Variants in PTPRN2 observed in about 807,000 individuals in gnomAD.
PTPRN2 encodes the protein receptor-type tyrosine-protein phosphatase N2.
PTPRN2 carries 74 observed loss-of-function variants against 118.8 expected under a neutral mutation model. The observed-to-expected ratio is 0.62, with a 90% CI of 0.52 to 0.76. The LOEUF (loss-of-function observed/expected upper bound fraction) is 0.76. Among genes scored for constraint, PTPRN2 ranks in the 30% least tolerant of loss-of-function variants. The pLI is 0.00. For missense variants in PTPRN2, 1,481 were observed against 1,394.4 expected, an observed-to-expected ratio of 1.06 and a Z score of -0.99; for synonymous variants, 641 against 608.0, an observed-to-expected ratio of 1.05 and a Z score of -0.80.
chr7:158,071,143 GGTGGTGGAGGTGCTC>G (rs1811428572), intron 11 of PTPRN2, among the ~76,000 whole-genome samples: 1 of 80,472 alleles, frequency 1.2e-5, no homozygotes, highest in Non-Finnish European at 2.5e-5. Context: ...AGGTGCTCGT[GGTGGTGGAGGTGCTC>G]GTGGTGGAGG....
At chr7:157,710,820 T>G (rs1308316669) in intron 12 of PTPRN2, among the ~76,000 whole-genome samples, 3 of 142,904 alleles carry the variant, frequency 2.1e-5, no homozygotes, top group African/African-American at 5.3e-5. Context: ...GCGCCGGAGG[T>G]TCCGGGGCAG....
At chr7:158,042,099 C>T (rs1330534187) in intron 11 of PTPRN2, among the ~76,000 whole-genome samples, 1 of 152,300 alleles carries the variant, frequency 6.6e-6, no homozygotes, top group Non-Finnish European at 1.5e-5. Flanking sequence ...ACTTTCTGCC[C>T]ACGAAAGAGC....
intron 12 of PTPRN2, among the ~76,000 whole-genome samples, chr7:157,781,502 A>G (rs925261260): frequency 2.0e-5 from 3 of 152,188 alleles, no homozygotes; most frequent in African/African-American, 7.2e-5. Flanking sequence ...TCAGACTTCA[A>G]GGTGAGATGA....
At chr7:157,820,775 A>C (rs889784891) in intron 12 of PTPRN2, among the ~76,000 whole-genome samples, 2 of 152,246 alleles carry the variant, frequency 1.3e-5, no homozygotes, top group African/African-American at 4.8e-5. Context: ...TTCAAAACCC[A>C]TGAGAATGAT....
chr7:158,271,205 C>T (rs1454937326), intron 3 of PTPRN2, among the ~76,000 whole-genome samples: 1 of 152,090 alleles, frequency 6.6e-6, no homozygotes, highest in Non-Finnish European at 1.5e-5. Context: ...AGGTCACGTG[C>T]TGCTTCTCTT....
chr7:158,272,038 T>C (rs570426308), intron 3 of PTPRN2, among the ~76,000 whole-genome samples: 1 of 152,316 alleles, frequency 6.6e-6, no homozygotes, highest in African/African-American at 2.4e-5. Flanking sequence ...AGCTGCACCA[T>C]CAAAAGACGG....
intron 11 of PTPRN2, among the ~76,000 whole-genome samples, chr7:157,961,039 C>G (rs987964356): frequency 6.6e-6 from 1 of 151,690 alleles, no homozygotes; most frequent in African/African-American, 2.4e-5. Flanking sequence ...CAAAACAAAA[C>G]AAAAAACAAG....
At chr7:158,327,071 GCA>G (rs1300492468) in intron 2 of PTPRN2, among the ~76,000 whole-genome samples, 9 of 145,394 alleles carry the variant, frequency 6.2e-5, no homozygotes, top group Admixed American at 3.4e-4. Flanking sequence ...GCACATACAT[GCA>G]CACATTCTCA....
intron 2 of PTPRN2, among the ~76,000 whole-genome samples, chr7:158,340,345 T>G (rs1225550475): frequency 5.1e-5 from 5 of 98,562 alleles, no homozygotes; most frequent in Admixed American, 1.1e-4. Context: ...ACTGTCACCA[T>G]AAGAGCTGAG....
At chr7:157,665,335 T>C (rs945325598) in intron 13 of PTPRN2, among the ~76,000 whole-genome samples, 4 of 152,254 alleles carry the variant, frequency 2.6e-5, no homozygotes, top group Non-Finnish European at 5.9e-5. Flanking sequence ...AGTAAGACCT[T>C]GTGGCATTTG....
chr7:157,704,076 G>A (rs1798210060), intron 12 of PTPRN2, among the ~76,000 whole-genome samples: 1 of 152,160 alleles, frequency 6.6e-6, no homozygotes, highest in African/African-American at 2.4e-5. Flanking sequence ...CTGATGCTGT[G>A]AGTTAGAAGA....
At chr7:158,023,282 A>G (rs1807034426) in intron 11 of PTPRN2, among the ~76,000 whole-genome samples, 1 of 152,034 alleles carries the variant, frequency 6.6e-6, no homozygotes, top group South Asian at 2.1e-4. Flanking sequence ...GTCCTGGGAA[A>G]CACTGACAGA....
chr7:158,090,817 C>T (rs1242095931), intron 10 of PTPRN2, among the ~76,000 whole-genome samples: 2 of 152,182 alleles, frequency 1.3e-5, no homozygotes, highest in Admixed American at 1.3e-4. Flanking sequence ...TTTAAAAATA[C>T]ATATAATTAT....
At chr7:158,550,846 G>A (rs751305874) in intron 1 of PTPRN2, among the ~76,000 whole-genome samples, 2 of 152,200 alleles carry the variant, frequency 1.3e-5, no homozygotes, top group African/African-American at 4.8e-5. Flanking sequence ...CTGGGGAGAT[G>A]TCGTGAAGCT....
rs769266427 is a variant in PTPRN2, at chr7:158,526,491, C to G, written c.113-36706G>C. 2.0e-5 allele frequency among the ~76,000 whole-genome samples: 3 copies of G among 151,878 alleles called. No individual in the cohort carries two copies. Among genetic ancestry groups the G allele is most frequent in the Non-Finnish European group, 2.9e-5 (2 of 68,046 alleles). On this transcript the variant is annotated intron_variant, in intron 1 of 22. Coordinates refer to ENST00000389418, the MANE Select transcript of PTPRN2 (RefSeq NM_002847.5). The surrounding 1 kb of genome is among the most constrained non-coding windows in gnomAD (Gnocchi z 5.2). The stretch of plus-strand genomic sequence containing the variant: ...GGCCTCGGAATTCCGACATGCTGGA[C>G]TGTGGCTTGGGAAACTGACTCGGTT...
At chr7:158,211,382 C>A (rs1443714420) in intron 3 of PTPRN2, among the ~76,000 whole-genome samples, 1 of 152,140 alleles carries the variant, frequency 6.6e-6, no homozygotes, top group Admixed American at 6.5e-5. Flanking sequence ...AGTGAAAAAA[C>A]CTCTGCACAG....
chr7:157,841,060 G>A (rs1364103683), intron 12 of PTPRN2, among the ~76,000 whole-genome samples: 1 of 152,256 alleles, frequency 6.6e-6, no homozygotes, highest in East Asian at 1.9e-4. Flanking sequence ...GGAAGTGCCA[G>A]CCGTGTCCGC....
rs1168861346 is a variant in PTPRN2, at chr7:158,044,349, T to C, written c.1723+36949A>G. On this transcript the variant is annotated intron_variant, in intron 11 of 22. Transcript: ENST00000389418. ...CAGGGGTGGGGGGCGTCCTCACTGC[T>C]GCTGAATCTGTACAGGACTCTGGGG... Among the ~76,000 whole-genome samples, 3 of 152,198 alleles carry C rather than the reference T, an allele frequency of 2.0e-5. No individual in the cohort carries two copies. In the East Asian group the frequency reaches 5.8e-4, roughly 29 times the overall value.
At position 157,785,018 on chromosome 7, in the gene PTPRN2, A is replaced by G. The variant is rs933985018; in HGVS notation, c.1789-102081T>C. On this transcript the variant is annotated intron_variant, in intron 12 of 22. Transcript: ENST00000389418. The surrounding 1 kb of genome is among the most constrained non-coding windows in gnomAD (Gnocchi z 7.3). ...GCGGCTGAGGTCACGCGGTCTCTTCAGTTTCCATTTTTCCACTTGTAACGG... is the reference window on the plus strand; with the variant it reads ...GCGGCTGAGGTCACGCGGTCTCTTCGGTTTCCATTTTTCCACTTGTAACGG... Among the ~76,000 whole-genome samples, 40 of 152,122 alleles carry G rather than the reference A, an allele frequency of 2.6e-4. 1 individual carries two copies. Among genetic ancestry groups the G allele is most frequent in the Non-Finnish European group, 2.9e-5 (2 of 68,000 alleles).
Sources: gnomAD v4.1 joint callset for allele counts (sites outside exome capture counted in the v4.1 genomes callset) on GRCh38, gnomAD v4.1.1 for gene constraint, Gnocchi (gnomAD v3.1) non-coding constraint, MANE v1.5 for transcripts, NCBI Gene and HGNC (gene_info 2026-07-23, HGNC 2026-07-21) for gene names.